The following PNKD variants were observed in gnomAD, a reference collection of about 807,000 sequenced individuals.
PNKD encodes the protein probable thioesterase PNKD.
A neutral mutation model predicts 45.3 loss-of-function variants in PNKD; 36 were observed. That is an observed-to-expected ratio of 0.80 (90% CI 0.61 to 1.05). The LOEUF (loss-of-function observed/expected upper bound fraction) is 1.05, where lower values mean the gene tolerates loss of function less well. Among genes scored for constraint, PNKD ranks in the 50% least tolerant of loss-of-function variants. PNKD has a pLI of 0.00. For missense variants in PNKD, 511 were observed against 506.6 expected (o/e 1.01, Z -0.08); for synonymous variants, 197 against 210.1 (o/e 0.94, Z 0.54).
At chr2:218,278,441 C>A in intron 2 of PNKD, 1 of 1,468,452 alleles carries the variant, frequency 6.8e-7, no homozygotes, top group East Asian at 2.3e-5. Flanking sequence ...TAAAGGAATC[C>A]TTCTTTCCAA....
chr2:218,322,055 T>C (rs1465916266), intron 2 of PNKD, among the ~76,000 whole-genome samples: 1 of 150,974 alleles, frequency 6.6e-6, no homozygotes, highest in Non-Finnish European at 1.5e-5. Flanking sequence ...CCCGAGTAGC[T>C]AGGATTACAG....
intron 2 of PNKD, among the ~76,000 whole-genome samples, chr2:218,294,538 C>A (rs1693096422): frequency 6.6e-6 from 1 of 152,242 alleles, no homozygotes; most frequent in African/African-American, 2.4e-5. Context: ...TGTGCAATGG[C>A]ACAATTGCAG....
chr2:218,333,128 A>G (rs1694379372), intron 2 of PNKD, among the ~76,000 whole-genome samples: 1 of 152,210 alleles, frequency 6.6e-6, no homozygotes. Flanking sequence ...AGTTACTGGC[A>G]GTTTGCTGAC....
intron 2 of PNKD, among the ~76,000 whole-genome samples, chr2:218,318,584 A>G (rs557219432): frequency 1.3e-5 from 2 of 152,328 alleles, no homozygotes; most frequent in South Asian, 4.1e-4. Context: ...GTGGCAAAAC[A>G]TAAATTGTCA....
chr2:218,307,182 A>AT (rs1361823000), intron 2 of PNKD, among the ~76,000 whole-genome samples: 1 of 151,994 alleles, frequency 6.6e-6, no homozygotes, highest in Non-Finnish European at 1.5e-5. Context: ...AGTCCCCAGC[A>AT]TTTTTGGCAC....
chr2:218,272,945 G>A, intron 2 of PNKD: 7 of 1,463,280 alleles, frequency 4.8e-6, no homozygotes, highest in Non-Finnish European at 6.3e-6. Context: ...TAGTAGAAAG[G>A]AACCAGGTCT....
intron 2 of PNKD, chr2:218,327,962 GAA>G (rs72151766): frequency 8.2e-4 from 100 of 122,322 alleles, no homozygotes; most frequent in Middle Eastern, 4.8e-3. Flanking sequence ...AACTCCATCT[GAA>G]AAAAAAAAAA....
At chr2:218,304,183 C>A (rs751597285) in intron 2 of PNKD, among the ~76,000 whole-genome samples, 1 of 151,746 alleles carries the variant, frequency 6.6e-6, no homozygotes, top group Admixed American at 6.6e-5. Flanking sequence ...GACAGAGTTT[C>A]GCTCTTGTTG....
At chr2:218,332,036 C>T (rs886799004) in intron 2 of PNKD, among the ~76,000 whole-genome samples, 3 of 152,206 alleles carry the variant, frequency 2.0e-5, no homozygotes, top group African/African-American at 7.2e-5. Context: ...GCAGTCCCTG[C>T]TGTGGTCTCA....
rs542950156 is a variant in PNKD at position 218,342,338 on chromosome 2, G to A, written c.781+194G>A. ...TGGGGCACCTTGGGAGGCTGAGGCAGGAGGATCACTTGAGGCTAGGAGTTG... is the reference window on the plus strand; with the variant it reads ...TGGGGCACCTTGGGAGGCTGAGGCAAGAGGATCACTTGAGGCTAGGAGTTG... On this transcript the variant is annotated intron_variant, in intron 7 of 9. Coordinates refer to ENST00000273077, the MANE Select transcript of PNKD (RefSeq NM_015488.5). 1.5e-4 allele frequency among the ~76,000 whole-genome samples: 23 copies of A among 152,318 alleles called. 1 individual carries two copies. Among genetic ancestry groups the A allele is most frequent in the African/African-American group, 4.8e-4 (20 of 41,564 alleles).
intron 2 of PNKD, among the ~76,000 whole-genome samples, chr2:218,297,186 G>A (rs1693158620): frequency 1.3e-5 from 2 of 152,202 alleles, no homozygotes; most frequent in Admixed American, 6.5e-5. Flanking sequence ...AATGATAGAT[G>A]TGTGGGGGAT....
At chr2:218,289,164 GA>G (rs1300767857) in intron 2 of PNKD, among the ~76,000 whole-genome samples, 3 of 152,246 alleles carry the variant, frequency 2.0e-5, no homozygotes, top group Non-Finnish European at 4.4e-5. Flanking sequence ...ACGATAGATA[GA>G]AAGGAGCTGA....
chr2:218,311,787 A>C (rs908649434), intron 2 of PNKD, among the ~76,000 whole-genome samples: 1 of 151,384 alleles, frequency 6.6e-6, no homozygotes, highest in African/African-American at 2.4e-5. Context: ...CTCTTTCACT[A>C]CTCCTCAGCA....
At chr2:218,308,080 T>C (rs1693472601) in intron 2 of PNKD, among the ~76,000 whole-genome samples, 1 of 150,844 alleles carries the variant, frequency 6.6e-6, no homozygotes, top group African/African-American at 2.4e-5. Flanking sequence ...AATACTAATA[T>C]GTTTTCATTA....
intron 2 of PNKD, chr2:218,275,996 T>A: frequency 1.2e-6 from 2 of 1,602,652 alleles, no homozygotes; most frequent in Non-Finnish European, 1.7e-6. Context: ...TCCCCTCAGC[T>A]CCCCTTCCTA....
chr2:218,277,642 G>T (rs1691362634), intron 2 of PNKD: 2 of 1,614,166 alleles, frequency 1.2e-6, no homozygotes, highest in Non-Finnish European at 1.7e-6. Flanking sequence ...CCTGGAAATG[G>T]TGCCCGTCAT....
chr2:218,319,246 C>T lies in PNKD; in HGVS notation c.237-20537C>T, dbSNP rs904247320. On this transcript the variant is annotated intron_variant, in intron 2 of 9. Transcript: ENST00000273077. ...GGGATTACAGGCGTGAACCACTGCA[C>T]CTGGCCATGCACAAATCTTTAATGT... 2.6e-5 allele frequency among the ~76,000 whole-genome samples: 4 copies of T among 151,710 alleles called. No individual in the cohort carries two copies. The South Asian group carries it at 8.3e-4, about 32-fold the overall frequency.
At chr2:218,282,077 G>T (rs745434057) in intron 2 of PNKD, 22 of 1,595,684 alleles carry the variant, frequency 1.4e-5, no homozygotes, top group Non-Finnish European at 1.8e-5. Flanking sequence ...GCCCCCAGGG[G>T]GCGGAGGGCC....
intron 2 of PNKD, among the ~76,000 whole-genome samples, chr2:218,302,223 A>G (rs978080144): frequency 2.0e-5 from 3 of 152,036 alleles, no homozygotes; most frequent in African/African-American, 7.2e-5. Flanking sequence ...TGGTGCGCAC[A>G]TGTAGTCCCA....
Sources: gnomAD v4.1 joint callset for allele counts (sites outside exome capture counted in the v4.1 genomes callset) on GRCh38, gnomAD v4.1.1 for gene constraint, MANE v1.5 for transcripts, NCBI Gene and HGNC (gene_info 2026-07-23, HGNC 2026-07-21) for gene names.